Variants in TNR observed in about 807,000 individuals in gnomAD.
The protein encoded by TNR is tenascin R, also known as tenascin-R.
A neutral mutation model predicts 150.4 loss-of-function variants in TNR; 45 were observed. The observed-to-expected ratio is 0.30, with a 90% CI of 0.24 to 0.38. The LOEUF (loss-of-function observed/expected upper bound fraction) is 0.38, where lower values mean the gene tolerates loss of function less well. TNR is among the 10% of genes least tolerant of loss of function. The probability of loss-of-function intolerance (pLI) is 1.00; values close to 1 mark genes in which losing one functional copy is unlikely to be tolerated. For missense variants in TNR, 1,544 were observed against 1,759.1 expected (o/e 0.88, Z 2.19); for synonymous variants, 687 against 678.4 (o/e 1.01, Z -0.20).
At chr1:175,586,685 T>C (rs1347223278) in intron 1 of TNR, among the ~76,000 whole-genome samples, 1 of 152,112 alleles carries the variant, frequency 6.6e-6, no homozygotes, top group African/African-American at 2.4e-5. Flanking sequence ...CCCTCCAACC[T>C]ATGGAGAAAA....
chr1:175,356,759 T>C (rs974348532), intron 15 of TNR, among the ~76,000 whole-genome samples: 5 of 152,206 alleles, frequency 3.3e-5, no homozygotes, highest in African/African-American at 1.2e-4. Flanking sequence ...CCCCTTCCTC[T>C]CCACCACCCT....
At position 175,717,479 on chromosome 1, in the gene TNR, C is replaced by G. The variant is rs541859327; in HGVS notation, c.-165+25747G>C. Among the ~76,000 whole-genome samples, 4 of 152,300 alleles carry G rather than the reference C, an allele frequency of 2.6e-5. No homozygotes were observed. In the East Asian group the frequency reaches 7.7e-4, roughly 29 times the overall value. Reference sequence around the variant, plus strand: ...TTTTAAAGTGTTCATCATTAGTAGTCTAACAGCGATTTTTGCCCTTCATGT... The same window carrying G: ...TTTTAAAGTGTTCATCATTAGTAGTGTAACAGCGATTTTTGCCCTTCATGT... On this transcript the variant is annotated intron_variant, in intron 1 of 22. Coordinates refer to ENST00000367674, the MANE Select transcript of TNR (RefSeq NM_003285.3).
At position 175,618,647 on chromosome 1, in the gene TNR, A is replaced by G. The variant is rs1663856424; in HGVS notation, c.-164-90278T>C. ...AGTAGGGCACTGCTTTGCTCAGGAG[A>G]ACCATACAGAAAGCCATAGGGCCGT... On this transcript the variant is annotated intron_variant, in intron 1 of 22. Coordinates refer to ENST00000367674, the MANE Select transcript of TNR (RefSeq NM_003285.3). 2.0e-5 allele frequency among the ~76,000 whole-genome samples: 3 copies of G among 152,234 alleles called. No homozygotes were observed. The South Asian group carries it at 6.2e-4, about 32-fold the overall frequency.
At chr1:175,605,286 T>A (rs1663372177) in intron 1 of TNR, among the ~76,000 whole-genome samples, 1 of 152,218 alleles carries the variant, frequency 6.6e-6, no homozygotes, top group Non-Finnish European at 1.5e-5. Context: ...TCAATTTTCT[T>A]ATCTGCAAAA....
chr1:175,344,323 T>C (rs569784292), intron 18 of TNR, among the ~76,000 whole-genome samples: 8 of 152,242 alleles, frequency 5.3e-5, no homozygotes, highest in Admixed American at 3.9e-4. Context: ...TTACTAGGCA[T>C]GGGGAGATGG....
At chr1:175,491,878 T>C (rs184361469) in intron 2 of TNR, among the ~76,000 whole-genome samples, 1 of 151,916 alleles carries the variant, frequency 6.6e-6, no homozygotes, top group East Asian at 2.0e-4. Flanking sequence ...CTCGATCTCC[T>C]GACCTCGTGA....
chr1:175,581,314 CT>C (rs1191129944), intron 1 of TNR, among the ~76,000 whole-genome samples: 2 of 152,224 alleles, frequency 1.3e-5, no homozygotes, highest in Non-Finnish European at 2.9e-5. Context: ...AATCTCCACA[CT>C]CTTAGACAGG....
intron 19 of TNR, among the ~76,000 whole-genome samples, chr1:175,337,038 A>G (rs565780442): frequency 1.1e-4 from 16 of 152,246 alleles, no homozygotes; most frequent in African/African-American, 3.6e-4. Context: ...GACTACAGGC[A>G]TGTGCCACCA....
At chr1:175,613,095 A>C (rs1311472550) in intron 1 of TNR, among the ~76,000 whole-genome samples, 2 of 152,296 alleles carry the variant, frequency 1.3e-5, no homozygotes, top group East Asian at 3.9e-4. Context: ...TGTTTAGGAG[A>C]GTTAGAAAGC....
intron 9 of TNR, among the ~76,000 whole-genome samples, chr1:175,377,142 G>T (rs1293440030): frequency 1.3e-5 from 2 of 152,072 alleles, no homozygotes; most frequent in Non-Finnish European, 2.9e-5. Flanking sequence ...ACAAGCCTCA[G>T]TTTCCTCATC....
chr1:175,386,441 A>G, intron 7 of TNR, 140 bp from the exon 8 acceptor site: 1 of 932,576 alleles, frequency 1.1e-6, no homozygotes, highest in Non-Finnish European at 1.5e-6. Context: ...CAGATGAGGA[A>G]AATGAGACAC....
chr1:175,379,428 G>A, intron 9 of TNR, 124 bp downstream of exon 9: 1 of 780,044 alleles, frequency 1.3e-6, no homozygotes. Context: ...ATATGTGCTA[G>A]GCACTTAAGA....
chr1:175,686,306 C>A (rs767479879), intron 1 of TNR, among the ~76,000 whole-genome samples: 5 of 152,180 alleles, frequency 3.3e-5, no homozygotes, highest in Non-Finnish European at 7.3e-5. Flanking sequence ...CTTCTTCAAT[C>A]ATCTTGGAAA....
intron 1 of TNR, among the ~76,000 whole-genome samples, chr1:175,534,448 C>G (rs1338062110): frequency 1.3e-5 from 2 of 152,198 alleles, no homozygotes; most frequent in Admixed American, 1.3e-4. Flanking sequence ...TGTATCACAC[C>G]TCCTAGATTT....
intron 1 of TNR, among the ~76,000 whole-genome samples, chr1:175,640,452 G>A (rs1462120007): frequency 6.6e-6 from 1 of 152,188 alleles, no homozygotes; most frequent in African/African-American, 2.4e-5. Context: ...ATGCCAGCCA[G>A]AAATTTTTGG....
intron 1 of TNR, among the ~76,000 whole-genome samples, chr1:175,741,309 C>A (rs529727233): frequency 6.6e-6 from 1 of 152,250 alleles, no homozygotes; most frequent in East Asian, 1.9e-4. Context: ...AAAATGGGTC[C>A]AATAATGTCA....
intron 9 of TNR, among the ~76,000 whole-genome samples, chr1:175,369,221 T>C (rs1219337084): frequency 6.6e-6 from 1 of 152,218 alleles, no homozygotes; most frequent in Non-Finnish European, 1.5e-5. Flanking sequence ...TAGCTTCCTG[T>C]GGATGCTGTT....
intron 2 of TNR, among the ~76,000 whole-genome samples, chr1:175,443,491 T>C (rs1571447139): frequency 6.6e-6 from 1 of 152,172 alleles, no homozygotes; most frequent in African/African-American, 2.4e-5. Context: ...ACTCATCATC[T>C]TCTGTGTGCT....
At chr1:175,417,570 C>A (rs1654554396) in intron 2 of TNR, among the ~76,000 whole-genome samples, 1 of 152,114 alleles carries the variant, frequency 6.6e-6, no homozygotes, top group Non-Finnish European at 1.5e-5. Context: ...GGAAACACTA[C>A]TAATATGTGC....
Sources: gnomAD v4.1 joint callset for allele counts (sites outside exome capture counted in the v4.1 genomes callset) on GRCh38, gnomAD v4.1.1 for gene constraint, MANE v1.5 for transcripts, NCBI Gene and HGNC (gene_info 2026-07-23, HGNC 2026-07-21) for gene names.